The following GPR55 variants were observed in gnomAD, a reference collection of about 807,000 sequenced individuals.
GPR55 encodes the protein G protein-coupled receptor 55.
Under a neutral mutation model 7.9 loss-of-function variants are expected in GPR55, and 6 were observed. That is an observed-to-expected ratio of 0.76 (90% CI 0.41 to 1.49). The LOEUF (loss-of-function observed/expected upper bound fraction) is 1.49. Ranked by LOEUF, GPR55 falls within the 40% of genes most tolerant of loss-of-function variation. The pLI is 0.01. For synonymous variants in GPR55, 183 were observed against 166.8 expected (o/e 1.10, Z -0.75); for missense variants, 376 against 406.0 (o/e 0.93, Z 0.63).
chr2:230,956,483 T>A (rs905352250), intron 1 of GPR55, among the ~76,000 whole-genome samples: 6 of 152,196 alleles, frequency 3.9e-5, no homozygotes, highest in African/African-American at 1.4e-4. Flanking sequence ...TTAATTTTTT[T>A]AAATATCAAA....
chr2:230,940,344 C>T (rs1406300816), intron 1 of GPR55, among the ~76,000 whole-genome samples: 1 of 152,164 alleles, frequency 6.6e-6, no homozygotes, highest in African/African-American at 2.4e-5. Context: ...TCTTCATAAT[C>T]ATCTGCAGAT....
chr2:230,909,847 G>T lies in GPR55; in HGVS notation c.*156C>A. 1 of 751,734 alleles carries T rather than the reference G, an allele frequency of 1.3e-6. No homozygotes were observed. Among genetic ancestry groups the T allele is most frequent in the East Asian group, 2.5e-5 (1 of 39,548 alleles). 46.6% of individuals were successfully genotyped at this position (751,734 alleles called of 1,614,324 possible). ...GGGCAGTGGAAAAAAGGTCTTTGGG[G>T]TATAATGAGCAAAGCTGGCACTCAA... On this transcript the variant is annotated 3_prime_UTR_variant, in exon 2 of 2. Coordinates refer to ENST00000650999, the MANE Select transcript of GPR55 (RefSeq NM_005683.4).
chr2:230,921,403 C>T (rs1346107854), intron 1 of GPR55, among the ~76,000 whole-genome samples: 1 of 152,024 alleles, frequency 6.6e-6, no homozygotes, highest in African/African-American at 2.4e-5. Flanking sequence ...CAAAATTTAC[C>T]CCATTCCCGA....
intron 1 of GPR55, among the ~76,000 whole-genome samples, chr2:230,940,708 T>C (rs1190080561): frequency 1.3e-5 from 2 of 152,064 alleles, no homozygotes; most frequent in African/African-American, 4.8e-5. Flanking sequence ...GCTGGGCAGG[T>C]CGAAGAGTAT....
intron 1 of GPR55, among the ~76,000 whole-genome samples, chr2:230,916,900 C>A (rs530485662): frequency 7.9e-5 from 12 of 152,144 alleles, no homozygotes; most frequent in African/African-American, 2.7e-4. Flanking sequence ...TGAAAAAATT[C>A]AACTTTTATT....
intron 1 of GPR55, among the ~76,000 whole-genome samples, chr2:230,955,311 C>A (rs1691463852): frequency 6.6e-6 from 1 of 152,230 alleles, no homozygotes; most frequent in Non-Finnish European, 1.5e-5. Context: ...AAGGTCTTGA[C>A]TTCCTATTTT....
Position 230,909,970 on chromosome 2 carries a change from G to A in GPR55, c.*33C>T. The A allele has an allele frequency of 6.3e-7, 1 of 1,588,980 alleles. No homozygotes were observed. The highest frequency in any genetic ancestry group is 8.6e-7 in the Non-Finnish European group (1 of 1,167,164). ...TATCCGTTACCAGAATTCAGGGCCA[G>A]GGCTTTCTTCCCCTGAACAGGATGT... On this transcript the variant is annotated 3_prime_UTR_variant, in exon 2 of 2. Coordinates refer to ENST00000650999, the MANE Select transcript of GPR55 (RefSeq NM_005683.4).
At position 230,946,733 on chromosome 2, in the gene GPR55, C is replaced by T. The variant is rs1195527330; in HGVS notation, c.-135+14042G>A. Among the ~76,000 whole-genome samples the T allele has an allele frequency of 6.6e-5, 10 of 152,226 alleles. 1 individual carries two copies. The highest frequency in any genetic ancestry group is 6.5e-4 in the Admixed American group (10 of 15,288). On this transcript the variant is annotated intron_variant, in intron 1 of 1. Coordinates refer to the GPR55 transcript ENST00000392039. ...TTCCCACTGCAGCCCACACCTGGACCAGGCCATAGCTGGGGCCAAGTTTCC... is the reference window on the plus strand; with the variant it reads ...TTCCCACTGCAGCCCACACCTGGACTAGGCCATAGCTGGGGCCAAGTTTCC...
intron 1 of GPR55, among the ~76,000 whole-genome samples, chr2:230,955,668 C>T (rs771825455): frequency 2.0e-5 from 3 of 152,194 alleles, no homozygotes; most frequent in Non-Finnish European, 4.4e-5. Flanking sequence ...ATAAAGGAGA[C>T]TCATATGGGA....
Position 230,907,692 on chromosome 2 carries a change from C to G in GPR55, c.*2311G>C, listed in dbSNP as rs925962541. 5.9e-5 allele frequency: 9 copies of G among 152,540 alleles called. No homozygotes were observed. The highest frequency in any genetic ancestry group is 4.6e-4 in the Admixed American group (7 of 15,298). The allele number at this position is 152,540 out of a possible 1,614,324, so 9.4% of individuals were successfully genotyped here. On this transcript the variant is annotated 3_prime_UTR_variant, in exon 2 of 2. Coordinates refer to ENST00000650999, the MANE Select transcript of GPR55 (RefSeq NM_005683.4). ...GCCATGCAGCTCCTGGGTCCTGGCT[C>G]CCCTCCCCGTCCCTCCCTACATGAT...
At chr2:230,951,505 A>G (rs1346472487) in intron 1 of GPR55, among the ~76,000 whole-genome samples, 5 of 152,218 alleles carry the variant, frequency 3.3e-5, no homozygotes, top group Non-Finnish European at 5.9e-5. Context: ...GGCAATGCTT[A>G]GTGCTGGCAG....
intron 1 of GPR55, among the ~76,000 whole-genome samples, chr2:230,919,567 A>G (rs555943501): frequency 1.3e-5 from 2 of 152,214 alleles, no homozygotes; most frequent in Non-Finnish European, 2.9e-5. Context: ...AGTCACCAAT[A>G]TGCTAGTAAG....
At chr2:230,928,952 A>T (rs1323043415), upstream of GPR55, among the ~76,000 whole-genome samples, 2 of 152,090 alleles carry the variant, frequency 1.3e-5, no homozygotes, top group African/African-American at 4.8e-5. Flanking sequence ...ATGGCTCCCC[A>T]TCTGGCCTCT....
chr2:230,941,092 G>A (rs571268591), intron 1 of GPR55, among the ~76,000 whole-genome samples: 95 of 152,100 alleles, frequency 6.2e-4, no homozygotes, highest in African/African-American at 2.2e-3. Context: ...ACTCCAGCCC[G>A]GGCGACAGAG....
intron 1 of GPR55, among the ~76,000 whole-genome samples, chr2:230,930,811 TC>T (rs1691023869): frequency 6.6e-6 from 1 of 152,346 alleles, no homozygotes; most frequent in Admixed American, 6.5e-5. Flanking sequence ...ATTGTGTCGT[TC>T]GTCTCCATGA....
At chr2:230,921,814 G>T (rs970580898) in intron 1 of GPR55, among the ~76,000 whole-genome samples, 1 of 152,120 alleles carries the variant, frequency 6.6e-6, no homozygotes, top group African/African-American at 2.4e-5. Context: ...AACTCGGAGG[G>T]GCTAGGGAAC....
intron 1 of GPR55, among the ~76,000 whole-genome samples, chr2:230,951,712 A>G (rs1257707593): frequency 6.6e-6 from 1 of 151,190 alleles, no homozygotes; most frequent in Non-Finnish European, 1.5e-5. Context: ...CCCTTTCATT[A>G]GGCCCAGAGA....
At chr2:230,958,617 A>T (rs559643481) in intron 1 of GPR55, among the ~76,000 whole-genome samples, 2 of 152,182 alleles carry the variant, frequency 1.3e-5, no homozygotes, top group South Asian at 4.2e-4. Context: ...CATGAGTTCG[A>T]TTGTTTCCAT....
intron 1 of GPR55, among the ~76,000 whole-genome samples, chr2:230,951,755 GGTTTT>G (rs1364947793): frequency 6.7e-5 from 10 of 148,222 alleles, no homozygotes; most frequent in African/African-American, 2.5e-4. Context: ...TTGTTATTGG[GGTTTT>G]TTTTTTTTTT....
Sources: gnomAD v4.1 joint callset for allele counts (sites outside exome capture counted in the v4.1 genomes callset) on GRCh38, gnomAD v4.1.1 for gene constraint, MANE v1.5 for transcripts, NCBI Gene and HGNC (gene_info 2026-07-23, HGNC 2026-07-21) for gene names.